ATP9A: variants seen among roughly 807,000 people sequenced by gnomAD.
ATP9A encodes ATPase phospholipid transporting 9A, also known as probable phospholipid-transporting ATPase IIA.
A neutral mutation model predicts 144.1 loss-of-function variants in ATP9A; 52 were observed. The ratio of observed to expected loss-of-function variants is 0.36; its 90% CI spans 0.29 to 0.45. The LOEUF (loss-of-function observed/expected upper bound fraction) is 0.45, where lower values mean the gene tolerates loss of function less well. Ranked by LOEUF, ATP9A falls within the 20% of genes least tolerant of loss-of-function variation. ATP9A has a pLI of 1.00. For synonymous variants in ATP9A, 582 were observed against 557.4 expected, an observed-to-expected ratio of 1.04 and a Z score of -0.62; for missense variants, 947 against 1,392.7, an observed-to-expected ratio of 0.68 and a Z score of 5.09.
intron 21 of ATP9A, 141 bp downstream of exon 21, chr20:51,618,521 A>C (rs145841784): frequency 2.8e-5 from 34 of 1,213,010 alleles, no homozygotes; most frequent in Non-Finnish European, 3.8e-5. Flanking sequence ...CCAAAGTCTG[A>C]GAGGTGGAGA....
At chr20:51,616,215 A>G (rs1286136249) in intron 22 of ATP9A, among the ~76,000 whole-genome samples, 2 of 152,208 alleles carry the variant, frequency 1.3e-5, no homozygotes, top group Non-Finnish European at 2.9e-5. Flanking sequence ...GGGGGAAAAA[A>G]AGCCCTATGG....
intron 1 of ATP9A, among the ~76,000 whole-genome samples, chr20:51,751,831 G>A (rs1353089409): frequency 1.3e-5 from 2 of 151,822 alleles, no homozygotes; most frequent in Admixed American, 6.6e-5. Flanking sequence ...CTCGTGATCC[G>A]CCCGCCTCGG....
At chr20:51,753,857 G>C (rs118026013) in intron 1 of ATP9A, among the ~76,000 whole-genome samples, 3,398 of 150,528 alleles carry the variant, frequency 0.023, 46 homozygotes, top group East Asian at 0.061. Flanking sequence ...TTTTCCAGTA[G>C]AGACAGGTTT....
intron 23 of ATP9A, among the ~76,000 whole-genome samples, 177 bp from the exon 24 acceptor site, chr20:51,610,342 T>A (rs1172652544): frequency 1.3e-5 from 2 of 152,158 alleles, no homozygotes; most frequent in African/African-American, 4.8e-5. Context: ...ATGAAGTAGG[T>A]ACGATTCTCA....
chr20:51,636,531 G>A (rs545062814), intron 15 of ATP9A, among the ~76,000 whole-genome samples: 6 of 152,120 alleles, frequency 3.9e-5, no homozygotes, highest in Admixed American at 2.6e-4. Flanking sequence ...TGTCCCTCTC[G>A]TCACACCCCA....
intron 3 of ATP9A, among the ~76,000 whole-genome samples, chr20:51,722,189 A>G (rs1440854581): frequency 6.6e-6 from 1 of 152,184 alleles, no homozygotes; most frequent in Non-Finnish European, 1.5e-5. Context: ...CAAAAAATCA[A>G]CTCAAGATGG....
intron 6 of ATP9A, 67 bp from the exon 7 acceptor site, chr20:51,694,169 C>T (rs539217959): frequency 9.0e-6 from 12 of 1,333,124 alleles, no homozygotes; most frequent in East Asian, 2.3e-5. Context: ...CTCTGGGCAG[C>T]GTCTGCTCTG....
At chr20:51,640,708 A>G (rs1168914386) in intron 14 of ATP9A, among the ~76,000 whole-genome samples, 5 of 152,194 alleles carry the variant, frequency 3.3e-5, no homozygotes, top group Non-Finnish European at 5.9e-5. Context: ...TGAGGGTTGC[A>G]AACTCCAAGA....
intron 15 of ATP9A, among the ~76,000 whole-genome samples, chr20:51,631,477 T>TCA (rs1400135128): frequency 6.6e-6 from 1 of 152,190 alleles, no homozygotes; most frequent in Non-Finnish European, 1.5e-5. Flanking sequence ...CCCAGCTTCC[T>TCA]CACTAAGAAA....
At position 51,674,310 on chromosome 20, in the gene ATP9A, C is replaced by T. The variant is rs752675481; in HGVS notation, c.880G>A (p.Gly294Ser). Reference sequence around the variant, plus strand: ...CAGTTCACTTCCAAGTCGAACAGGCCGATCTGTGGGACGAAGCACAAACCA... The same window carrying T: ...CAGTTCACTTCCAAGTCGAACAGGCTGATCTGTGGGACGAAGCACAAACCA... ...MNTSNPRSKI[G>S]LFDLEVNCLT... The change falls in exon 11 of 28, where the codon GGC becomes AGC. Residue 294 changes from glycine (G) to serine (S), a missense_variant. Coordinates refer to ENST00000338821, the MANE Select transcript of ATP9A (RefSeq NM_006045.3). 5 of 1,612,578 alleles carry T rather than the reference C, an allele frequency of 3.1e-6. No individual in the cohort carries two copies. The highest frequency in any genetic ancestry group is 2.2e-5 in the South Asian group (2 of 91,022).
intron 5 of ATP9A, among the ~76,000 whole-genome samples, chr20:51,697,154 C>A (rs961840670): frequency 1.3e-5 from 2 of 152,102 alleles, no homozygotes; most frequent in African/African-American, 4.8e-5. Context: ...ATAAGCACAT[C>A]GAACAGGAAA....
intron 1 of ATP9A, among the ~76,000 whole-genome samples, chr20:51,739,553 A>G (rs949941459): frequency 6.6e-6 from 1 of 151,300 alleles, no homozygotes; most frequent in Non-Finnish European, 1.5e-5. Flanking sequence ...ACAGGGTTTC[A>G]CCTTGTTAGC....
intron 14 of ATP9A, among the ~76,000 whole-genome samples, chr20:51,654,198 G>A (rs765920955): frequency 1.4e-4 from 21 of 152,210 alleles, no homozygotes; most frequent in African/African-American, 2.9e-4. Flanking sequence ...CAACAGTCAC[G>A]GATGAACTGG....
At chr20:51,630,820 A>C (rs2077266968) in intron 15 of ATP9A, among the ~76,000 whole-genome samples, 1 of 152,152 alleles carries the variant, frequency 6.6e-6, no homozygotes, top group Admixed American at 6.5e-5. Context: ...GAACATGTCA[A>C]CCTTGATGTT....
At position 51,675,510 on chromosome 20, in the gene ATP9A, T is replaced by G. The variant is rs372925976; in HGVS notation, c.876+622A>C. On this transcript the variant is annotated intron_variant, in intron 10 of 27. Transcript: ENST00000338821. ...GAAGCATGCACTCACAGGGCTGTTA[T>G]GAAGATGAAATGAGATGCACGTGAA... 1.4e-4 allele frequency among the ~76,000 whole-genome samples: 21 copies of G among 152,290 alleles called. 1 individual carries two copies. In the South Asian group the frequency reaches 4.4e-3, roughly 32 times the overall value.
chr20:51,725,737 CAGATGCCTA>C (rs1389517823), intron 3 of ATP9A, 73 bp downstream of exon 3: 2 of 971,786 alleles, frequency 2.1e-6, no homozygotes, highest in Non-Finnish European at 3.3e-6. Context: ...CATCCCATTC[CAGATGCCTA>C]AGTGAGAGAA....
intron 1 of ATP9A, among the ~76,000 whole-genome samples, chr20:51,765,683 C>T (rs183886986): frequency 6.2e-5 from 9 of 144,282 alleles, no homozygotes; most frequent in Admixed American, 1.4e-4. Context: ...AGGCCAAGCA[C>T]GGTGGCTCAC....
At chr20:51,700,856 G>T (rs1023250546) in intron 4 of ATP9A, among the ~76,000 whole-genome samples, 2 of 152,074 alleles carry the variant, frequency 1.3e-5, no homozygotes, top group East Asian at 3.9e-4. Context: ...GAGAGGGAGC[G>T]AAAGAAAGAG....
chr20:51,730,296 G>A (rs1178030436), intron 1 of ATP9A, among the ~76,000 whole-genome samples: 1 of 152,040 alleles, frequency 6.6e-6, no homozygotes, highest in Non-Finnish European at 1.5e-5. Flanking sequence ...GTGAAATCTC[G>A]TCTGTACTAA....
Sources: gnomAD v4.1 joint callset for allele counts (sites outside exome capture counted in the v4.1 genomes callset) on GRCh38, gnomAD v4.1.1 for gene constraint, MANE v1.5 for transcripts, NCBI Gene and HGNC (gene_info 2026-07-23, HGNC 2026-07-21) for gene names.